Variants in CNTRL observed in about 807,000 individuals in gnomAD.
CNTRL encodes the protein 110 kDa centrosomal protein.
CNTRL carries 233 observed loss-of-function variants against 303.7 expected under a neutral mutation model. That is an observed-to-expected ratio of 0.77 (90% CI 0.69 to 0.86). The LOEUF is 0.86. Among genes scored for constraint, CNTRL ranks in the 40% least tolerant of loss-of-function variants. CNTRL has a pLI of 0.00. For synonymous variants in CNTRL, 900 were observed against 922.2 expected (o/e 0.98, Z 0.44); for missense variants, 2,524 against 2,650.6 (o/e 0.95, Z 1.05).
chr9:121,154,968 G>A (rs1554761946), intron 27 of CNTRL, 55 bp downstream of exon 27: 4 of 1,428,914 alleles, frequency 2.8e-6, no homozygotes, highest in South Asian at 1.1e-5. Context: ...TCAGCTTACT[G>A]TCCACCTGAA....
rs150270955 is a variant in CNTRL at position 121,161,879 on chromosome 9, T to C, written c.5113T>C (p.Leu1705=). 1.9e-6 allele frequency: 3 copies of C among 1,613,784 alleles called. No individual in the cohort carries two copies. The highest frequency in any genetic ancestry group is 2.5e-6 in the Non-Finnish European group (3 of 1,179,808). Residue 1705 remains leucine, a synonymous_variant, in exon 33 of 44, where the codon TTG becomes CTG. Coordinates refer to ENST00000373855, the MANE Select transcript of CNTRL (RefSeq NM_007018.6). ...KTELKNILDM[L]QLENHELQGL... ...AGAACTAAAGAATATTCTGGACATG[T>C]TGCAACTTGAAAACCATGAGCTACA...
chr9:121,089,009 A>G (rs2048454486), intron 3 of CNTRL, among the ~76,000 whole-genome samples: 1 of 152,236 alleles, frequency 6.6e-6, no homozygotes, highest in Non-Finnish European at 1.5e-5. Flanking sequence ...TTTTCTTAAA[A>G]TCATCTGTTA....
chr9:121,097,910 A>C (rs1409109258), intron 6 of CNTRL, among the ~76,000 whole-genome samples: 1 of 152,204 alleles, frequency 6.6e-6, no homozygotes, highest in Non-Finnish European at 1.5e-5. Context: ...TTAGGTTGAG[A>C]ATAAACTATC....
Position 121,166,132 on chromosome 9 carries a change from G to A in CNTRL, c.5607G>A (p.Leu1869=), listed in dbSNP as rs778842385. ...AAAAACGAGAAGCAGTAAACTCACTGCAGGAGGAACTAGCTAATGTCCAAG... is the reference window on the plus strand; with the variant it reads ...AAAAACGAGAAGCAGTAAACTCACTACAGGAGGAACTAGCTAATGTCCAAG... The part of the protein sequence containing the change: ...LQEKREAVNS[L]QEELANVQDH... Residue 1869 remains leucine (L), a synonymous_variant, in exon 36 of 44, where the codon CTG becomes CTA. Transcript: ENST00000373855. 16 of 1,611,552 alleles carry A rather than the reference G, an allele frequency of 9.9e-6. No individual in the cohort carries two copies. The South Asian group carries it at 1.8e-4, about 18-fold the overall frequency.
intron 7 of CNTRL, among the ~76,000 whole-genome samples, chr9:121,103,940 A>G (rs1375485678): frequency 6.6e-6 from 1 of 152,250 alleles, no homozygotes; most frequent in Non-Finnish European, 1.5e-5. Flanking sequence ...AGTGTAAACT[A>G]GTTCAACCTT....
At chr9:121,102,422 G>T (rs113734597) in intron 7 of CNTRL, among the ~76,000 whole-genome samples, 1 of 152,056 alleles carries the variant, frequency 6.6e-6, no homozygotes, top group Non-Finnish European at 1.5e-5. Flanking sequence ...CTATTTATGA[G>T]AAACCCACAG....
Position 121,157,776 on chromosome 9 carries a change from C to G in CNTRL, c.4533C>G (p.His1511Gln). 6.2e-7 allele frequency: 1 copy of G among 1,613,976 alleles called. No homozygotes were observed. Among genetic ancestry groups the G allele is most frequent in the Non-Finnish European group, 8.5e-7 (1 of 1,179,986 alleles). ...CTGATGCAAAGGATTTGGAGCAGCA[C>G]AAAATCAAGCAAGAAGAAATCTTGA... Reference protein sequence around the residue: ...LQADAKDLEQHKIKQEEILKE... With the variant: ...LQADAKDLEQQKIKQEEILKE... The change falls in exon 29 of 44, where the codon CAC becomes CAG. Residue 1511 changes from histidine (H) to glutamine (Q), a missense_variant. Coordinates refer to ENST00000373855, the MANE Select transcript of CNTRL (RefSeq NM_007018.6).
chr9:121,090,257 C>G lies in CNTRL; in HGVS notation c.218-18C>G. ...ATGTCTTTCCTCTACTGATGATGAT[C>G]TGTTTCTATAATTTCAGGAGCTGAT... is the stretch of plus-strand genomic sequence containing the variant. On this transcript the variant is annotated intron_variant, in intron 3 of 43. Transcript: ENST00000373855. The G allele has an allele frequency of 6.3e-7, 1 of 1,580,600 alleles. No individual in the cohort carries two copies. Among genetic ancestry groups the G allele is most frequent in the East Asian group, 2.3e-5 (1 of 43,856 alleles).
chr9:121,150,055 A>T, intron 24 of CNTRL, 115 bp from the exon 25 acceptor site: 1 of 717,744 alleles, frequency 1.4e-6, no homozygotes, highest in Non-Finnish European at 2.2e-6. Flanking sequence ...TTATTCTCAC[A>T]TCTGCAGTAT....
intron 1 of CNTRL, among the ~76,000 whole-genome samples, chr9:121,075,575 G>A (rs1434057777): frequency 1.3e-5 from 2 of 152,180 alleles, no homozygotes; most frequent in South Asian, 2.1e-4. Flanking sequence ...TTCGTTAAGG[G>A]ACTAGAGAAT....
intron 14 of CNTRL, among the ~76,000 whole-genome samples, chr9:121,134,792 C>T (rs1221617847): frequency 6.6e-6 from 1 of 152,156 alleles, no homozygotes; most frequent in African/African-American, 2.4e-5. Context: ...CTTAAGTTAA[C>T]TGCATTTTCC....
At chr9:121,124,391 A>G (rs146645070) in intron 13 of CNTRL, among the ~76,000 whole-genome samples, 1 of 152,344 alleles carries the variant, frequency 6.6e-6, no homozygotes, top group African/African-American at 2.4e-5. Context: ...ATTCAGGAGC[A>G]AAGCACCCAT....
chr9:121,145,498 A>G, intron 22 of CNTRL, 113 bp downstream of exon 22: 1 of 1,070,582 alleles, frequency 9.3e-7, no homozygotes, highest in Non-Finnish European at 1.3e-6. Context: ...TGATTCAGAG[A>G]GCTGTGGTAA....
At chr9:121,126,172 C>T (rs147247177) in intron 14 of CNTRL, among the ~76,000 whole-genome samples, 1 of 151,622 alleles carries the variant, frequency 6.6e-6, no homozygotes, top group Non-Finnish European at 1.5e-5. Context: ...CATTTCTATC[C>T]CTGAAAGGTA....
At position 121,175,231 on chromosome 9, in the gene CNTRL, A is replaced by T. The variant is rs1483306282; in HGVS notation, c.6954+7A>T. On this transcript the variant is annotated splice_region_variant and intron_variant, in intron 43 of 43. Coordinates refer to ENST00000373855, the MANE Select transcript of CNTRL (RefSeq NM_007018.6). ...TCAACTTGGACAAAATCAGGTAAGC[A>T]GCAGCTCTTTTTAAAAACAAAACAA... 12 of 1,613,400 alleles carry T rather than the reference A, an allele frequency of 7.4e-6. No individual in the cohort carries two copies. Among genetic ancestry groups the T allele is most frequent in the South Asian group, 5.5e-5 (5 of 91,066 alleles).
intron 7 of CNTRL, among the ~76,000 whole-genome samples, chr9:121,104,166 A>C (rs772681750): frequency 3.3e-5 from 5 of 152,272 alleles, no homozygotes; most frequent in Non-Finnish European, 7.3e-5. Context: ...AAAATGTGGC[A>C]CATATACACC....
At chr9:121,106,017 CA>C (rs1193078986) in intron 7 of CNTRL, among the ~76,000 whole-genome samples, 4 of 151,820 alleles carry the variant, frequency 2.6e-5, no homozygotes, top group Non-Finnish European at 4.4e-5. Flanking sequence ...AGCCAGAAAA[CA>C]AAAAAACAAA....
At chr9:121,143,838 G>T (rs2051671203) in intron 19 of CNTRL, 65 bp from the exon 20 acceptor site, 1 of 1,328,038 alleles carries the variant, frequency 7.5e-7, no homozygotes, top group South Asian at 1.4e-5. Flanking sequence ...CCCTCCTGGA[G>T]CTTACATCTG....
intron 14 of CNTRL, among the ~76,000 whole-genome samples, chr9:121,130,483 T>G (rs1440869155): frequency 6.6e-6 from 1 of 152,228 alleles, no homozygotes; most frequent in Non-Finnish European, 1.5e-5. Context: ...GATACCCTCT[T>G]TATCATTTTT....
Sources: allele counts gnomAD v4.1 joint callset (sites outside exome capture counted in the v4.1 genomes callset), GRCh38; gene constraint gnomAD v4.1.1; transcripts MANE v1.5; gene names NCBI Gene and HGNC (gene_info 2026-07-23, HGNC 2026-07-21).